The following NBAS variants were observed in gnomAD, a reference collection of about 807,000 sequenced individuals.
NBAS encodes NBAS subunit of NRZ tethering complex, also known as NAG/BC035112 fusion.
In NBAS, 219 loss-of-function variants were observed where a neutral mutation model predicts 302.5. The ratio of observed to expected loss-of-function variants is 0.72; its 90% CI spans 0.65 to 0.81. NBAS has a LOEUF of 0.81. Among genes scored for constraint, NBAS ranks in the 30% least tolerant of loss-of-function variants. The pLI, the probability that NBAS is intolerant of heterozygous loss-of-function variation, is 0.00. For missense variants in NBAS, 2,932 were observed against 2,841.6 expected (o/e 1.03, Z -0.72); for synonymous variants, 1,118 against 1,021.6 (o/e 1.09, Z -1.80).
chr2:15,109,608 G>A, the NBAS span, among the ~76,000 whole-genome samples: 13 of 152,194 alleles, frequency 8.5e-5, no homozygotes, highest in South Asian at 2.1e-4. Flanking sequence ...ATCAGGTGCC[G>A]GCACAGTCAG....
At position 15,226,415 on chromosome 2, in the gene NBAS, GCAAA is replaced by G. The variant is rs1353825370; in HGVS notation, c.6236+6003_6236+6006del. On this transcript the variant is annotated intron_variant, in intron 47 of 51. Transcript: ENST00000281513. Reference sequence around the variant, plus strand: ...TTTAAAGAAAACTTACTTTTCTTAAGCAAACAAATTCTTAACACGAACTAGAAAT... The same window carrying G: ...TTTAAAGAAAACTTACTTTTCTTAAGCAAATTCTTAACACGAACTAGAAAT... 2.6e-5 allele frequency among the ~76,000 whole-genome samples: 4 copies of G among 152,126 alleles called. No individual in the cohort carries two copies. In the East Asian group the frequency reaches 5.8e-4, roughly 22 times the overall value.
At chr2:15,379,424 G>T (rs538450128) in intron 30 of NBAS, among the ~76,000 whole-genome samples, 178 bp downstream of exon 30, 1 of 149,362 alleles carries the variant, frequency 6.7e-6, no homozygotes, top group African/African-American at 2.5e-5. Context: ...TTAAGAAGCT[G>T]ATGGACATTC....
the NBAS span, among the ~76,000 whole-genome samples, chr2:14,780,222 G>C: frequency 2.6e-5 from 4 of 152,198 alleles, no homozygotes; most frequent in Non-Finnish European, 4.4e-5. Flanking sequence ...TTCATGGTTA[G>C]ATGTGATATG....
chr2:15,129,205 T>A, the NBAS span, among the ~76,000 whole-genome samples: 8 of 152,260 alleles, frequency 5.3e-5, no homozygotes, highest in African/African-American at 1.9e-4. Flanking sequence ...GTAAGGGTGC[T>A]TGCATGGGAA....
chr2:15,008,290 A>T, the NBAS span, among the ~76,000 whole-genome samples: 4 of 152,236 alleles, frequency 2.6e-5, no homozygotes, highest in Non-Finnish European at 4.4e-5. Flanking sequence ...TCCAGAGCAC[A>T]GAGTACACCA....
At chr2:14,829,161 T>C in the NBAS span, among the ~76,000 whole-genome samples, 1 of 151,960 alleles carries the variant, frequency 6.6e-6, no homozygotes, top group Non-Finnish European at 1.5e-5. Context: ...CCCAGGTTAA[T>C]GGATAACGTT....
At chr2:15,483,221 T>C (rs753899602) in intron 12 of NBAS, 4 of 222,344 alleles carry the variant, frequency 1.8e-5, no homozygotes, top group Middle Eastern at 4.6e-4. Context: ...AGAGAGTCTG[T>C]GATGAAATAC....
intron 35 of NBAS, among the ~76,000 whole-genome samples, chr2:15,335,231 G>A (rs897197056): frequency 2.0e-5 from 3 of 147,294 alleles, no homozygotes; most frequent in Non-Finnish European, 4.5e-5. Flanking sequence ...ATATCATGTT[G>A]TAATAAACAT....
chr2:15,091,476 G>A, the NBAS span, among the ~76,000 whole-genome samples: 3 of 151,450 alleles, frequency 2.0e-5, no homozygotes, highest in Non-Finnish European at 4.4e-5. Context: ...CTTCCTTGTG[G>A]TTTTTTTGGC....
At chr2:15,182,401 T>C (rs1468510302) in intron 50 of NBAS, among the ~76,000 whole-genome samples, 1 of 152,246 alleles carries the variant, frequency 6.6e-6, no homozygotes, top group Non-Finnish European at 1.5e-5. Flanking sequence ...TTGAGTGTTA[T>C]TGCATAACTT....
intron 40 of NBAS, among the ~76,000 whole-genome samples, chr2:15,294,882 T>A (rs755759674): frequency 6.6e-6 from 1 of 152,210 alleles, no homozygotes; most frequent in Non-Finnish European, 1.5e-5. Flanking sequence ...CACCTGGTGC[T>A]TTCAGACTGA....
the NBAS span, among the ~76,000 whole-genome samples, chr2:14,924,550 A>G: frequency 2.0e-5 from 3 of 152,332 alleles, no homozygotes; most frequent in African/African-American, 4.8e-5. Flanking sequence ...AGTCCCCCCA[A>G]TGGAGCTGAG....
chr2:15,252,190 CT>C (rs908208477), intron 44 of NBAS, among the ~76,000 whole-genome samples: 5 of 152,272 alleles, frequency 3.3e-5, no homozygotes, highest in East Asian at 1.9e-4. Context: ...GCTAAGCAGA[CT>C]TTTTTTCTTT....
chr2:15,459,580 C>T (rs1478692044), intron 21 of NBAS, among the ~76,000 whole-genome samples: 3 of 150,938 alleles, frequency 2.0e-5, no homozygotes, highest in Admixed American at 6.6e-5. Flanking sequence ...CCTGGGTTCA[C>T]GCCATTCTCC....
At chr2:14,998,024 T>C in the NBAS span, among the ~76,000 whole-genome samples, 2 of 152,234 alleles carry the variant, frequency 1.3e-5, no homozygotes, top group Non-Finnish European at 2.9e-5. Context: ...GTTGATGGTC[T>C]ATTCTTTACA....
At chr2:14,928,993 T>C in the NBAS span, among the ~76,000 whole-genome samples, 1 of 152,156 alleles carries the variant, frequency 6.6e-6, no homozygotes, top group Non-Finnish European at 1.5e-5. Context: ...CCTTTCATCC[T>C]CAGTAAGAAA....
the NBAS span, among the ~76,000 whole-genome samples, chr2:14,940,397 G>A: frequency 3.3e-5 from 5 of 151,896 alleles, no homozygotes; most frequent in South Asian, 2.1e-4. Context: ...TTCCCCTTCC[G>A]CCATGATTAT....
At chr2:15,523,760 A>G (rs1430545633) in intron 9 of NBAS, among the ~76,000 whole-genome samples, 2 of 152,124 alleles carry the variant, frequency 1.3e-5, no homozygotes, top group Non-Finnish European at 2.9e-5. Flanking sequence ...CTAAAAATAC[A>G]AAAATTAGCT....
chr2:15,252,010 T>C (rs1668386486), intron 44 of NBAS, among the ~76,000 whole-genome samples: 1 of 152,178 alleles, frequency 6.6e-6, no homozygotes, highest in Non-Finnish European at 1.5e-5. Flanking sequence ...GGAAGCGCCC[T>C]GCATACTGAG....
Sources: gnomAD v4.1 joint callset for allele counts (sites outside exome capture counted in the v4.1 genomes callset) on GRCh38, gnomAD v4.1.1 for gene constraint, MANE v1.5 for transcripts, NCBI Gene and HGNC (gene_info 2026-07-23, HGNC 2026-07-21) for gene names.